Variants in TEX11 observed in about 807,000 individuals in gnomAD.
The protein encoded by TEX11 is testis expressed 11, also known as testis-expressed protein 11.
In TEX11, 7 loss-of-function variants were observed where a neutral mutation model predicts 84.4. That is an observed-to-expected ratio of 0.08 (90% confidence interval 0.05 to 0.16). The LOEUF (loss-of-function observed/expected upper bound fraction) is 0.16. Among genes scored for constraint, TEX11 ranks in the 10% least tolerant of loss-of-function variants. The pLI, the probability that TEX11 is intolerant of heterozygous loss-of-function variation, is 1.00. For synonymous variants in TEX11, 264 were observed against 222.8 expected (o/e 1.18, Z -1.64); for missense variants, 551 against 660.5 (o/e 0.83, Z 1.82).
chrX:70,591,281 T>C (rs1233305058), intron 25 of TEX11, among the ~76,000 whole-genome samples: 8 of 110,872 alleles, frequency 7.2e-5, no homozygotes, highest in Non-Finnish European at 3.8e-5. Flanking sequence ...AATACTGATA[T>C]AGAGTGGGGA....
chrX:70,887,620 T>C (rs1037228326), intron 2 of TEX11, among the ~76,000 whole-genome samples: 2 of 112,441 alleles, frequency 1.8e-5, no homozygotes, highest in Non-Finnish European at 3.8e-5. Flanking sequence ...ACAGCATCTC[T>C]GGACCCACCC....
intron 28 of TEX11, among the ~76,000 whole-genome samples, chrX:70,547,493 G>A (rs1208499115): frequency 9.0e-6 from 1 of 111,317 alleles, no homozygotes; most frequent in African/African-American, 3.3e-5. Context: ...CCTACAGAAT[G>A]GGAGAAAATT....
At chrX:70,570,644 T>C (rs1175808906) in intron 25 of TEX11, among the ~76,000 whole-genome samples, 1 of 111,971 alleles carries the variant, frequency 8.9e-6, no homozygotes, top group African/African-American at 3.2e-5. Flanking sequence ...AGGTTGCATT[T>C]CTTTAGTAGG....
chrX:70,780,550 T>C (rs1243727315), intron 9 of TEX11, among the ~76,000 whole-genome samples: 4 of 112,027 alleles, frequency 3.6e-5, no homozygotes, highest in African/African-American at 9.7e-5. Flanking sequence ...TTCCCTTTCC[T>C]AGCCAAGGGA....
chrX:70,574,686 GACA>G (rs1417400591), intron 25 of TEX11, among the ~76,000 whole-genome samples: 2 of 111,974 alleles, frequency 1.8e-5, no homozygotes, highest in Non-Finnish European at 3.8e-5. Context: ...GAACAAGACA[GACA>G]ACTTTTCTGC....
intron 9 of TEX11, among the ~76,000 whole-genome samples, chrX:70,781,354 G>T (rs1226375228): frequency 8.9e-6 from 1 of 112,244 alleles, no homozygotes; most frequent in Non-Finnish European, 1.9e-5. Flanking sequence ...CCACAAAGAT[G>T]GGGAGAAACC....
chrX:70,535,286 A>G (rs2087941423), intron 28 of TEX11, among the ~76,000 whole-genome samples: 2 of 112,083 alleles, frequency 1.8e-5, no homozygotes, highest in African/African-American at 6.5e-5. Context: ...ATTTGCTATG[A>G]GTCTTTGGAC....
chrX:70,762,450 CAGG>C (rs1052862468), intron 9 of TEX11, among the ~76,000 whole-genome samples: 3 of 111,335 alleles, frequency 2.7e-5, no homozygotes, highest in African/African-American at 9.8e-5. Flanking sequence ...GGCTGCACAG[CAGG>C]AGATGAGTGG....
intron 13 of TEX11, among the ~76,000 whole-genome samples, chrX:70,689,906 A>T (rs755546787): frequency 2.0e-4 from 22 of 111,956 alleles, no homozygotes; most frequent in Non-Finnish European, 3.9e-4. Flanking sequence ...GCTAATATCA[A>T]CATACATAAA....
Position 70,873,330 on chromosome X carries a change from T to C in TEX11, c.160-23A>G, listed in dbSNP as rs748297528. On this transcript the variant is annotated intron_variant, in intron 3 of 29. Transcript: ENST00000374333. ...AATCTGGTCAAAGAGAAACATTTCC[T>C]TAGTTAGTTAAAATACTGGCCACCT... 11 of 1,059,366 alleles carry C rather than the reference T, an allele frequency of 1.0e-5. No individual in the cohort carries two copies. The South Asian group carries it at 1.3e-4, about 13-fold the overall frequency. The allele number at this position is 1,059,366 out of a possible 1,213,427, so 87.3% of individuals were successfully genotyped here. A position where few individuals can be genotyped will look rare whatever the true frequency, so the allele number is the denominator to read the frequency against.
chrX:70,750,897 T>C (rs1306129707), intron 9 of TEX11, among the ~76,000 whole-genome samples: 2 of 64,660 alleles, frequency 3.1e-5, no homozygotes, highest in Non-Finnish European at 5.9e-5. Flanking sequence ...AATGTGCACA[T>C]GTATCCTAAA....
chrX:70,904,075 C>T (rs1294399637), intron 2 of TEX11, among the ~76,000 whole-genome samples: 3 of 104,769 alleles, frequency 2.9e-5, no homozygotes, highest in Non-Finnish European at 5.8e-5. Context: ...CCGCCTCAGC[C>T]TCCCAAAGTG....
chrX:70,900,378 CAA>C (rs372377002), intron 2 of TEX11, among the ~76,000 whole-genome samples: 5 of 68,152 alleles, frequency 7.3e-5, no homozygotes, highest in Admixed American at 2.2e-4. Flanking sequence ...GACTCTATCT[CAA>C]AAAAAAAAAA....
intron 21 of TEX11, 137 bp downstream of exon 21, chrX:70,610,365 TC>T (rs2089246175): frequency 1.3e-5 from 7 of 534,185 alleles, no homozygotes; most frequent in Middle Eastern, 7.4e-4. Context: ...CAAAATAGAT[TC>T]CTGTGGCAAA....
At chrX:70,519,238 C>T in the TEX11 span, among the ~76,000 whole-genome samples, 2 of 111,958 alleles carry the variant, frequency 1.8e-5, no homozygotes, top group South Asian at 7.5e-4. Flanking sequence ...CATGTTTTTG[C>T]AGTGGCTGGT....
intron 2 of TEX11, among the ~76,000 whole-genome samples, chrX:70,894,270 C>A (rs928971450): frequency 9.0e-6 from 1 of 110,797 alleles, no homozygotes; most frequent in South Asian, 3.8e-4. Flanking sequence ...GACACACACA[C>A]GAAAAAAGAA....
chrX:70,805,534 G>A (rs2091214157), intron 9 of TEX11, among the ~76,000 whole-genome samples: 1 of 110,395 alleles, frequency 9.1e-6, no homozygotes, highest in African/African-American at 3.3e-5. Context: ...CCGAGTAGCT[G>A]GGATTACAGG....
chrX:70,840,025 G>A (rs771827351), intron 7 of TEX11, among the ~76,000 whole-genome samples: 1 of 111,881 alleles, frequency 8.9e-6, no homozygotes, highest in African/African-American at 3.2e-5. Context: ...AAAGTGATGG[G>A]GAGAATGGAA....
At chrX:70,573,851 G>A (rs1033393734) in intron 25 of TEX11, among the ~76,000 whole-genome samples, 1 of 111,193 alleles carries the variant, frequency 9.0e-6, no homozygotes, top group Admixed American at 9.7e-5. Context: ...TAAAAACATA[G>A]ATAATCCTCT....
Sources: allele counts gnomAD v4.1 joint callset (sites outside exome capture counted in the v4.1 genomes callset), GRCh38; gene constraint gnomAD v4.1.1; transcripts MANE v1.5; gene names NCBI Gene and HGNC (gene_info 2026-07-23, HGNC 2026-07-21).